The following TFR2 variants were observed in gnomAD, a reference collection of about 807,000 sequenced individuals.
TFR2 encodes the protein transferrin receptor 2.
A neutral mutation model predicts 91.9 loss-of-function variants in TFR2; 64 were observed. That is an observed-to-expected ratio of 0.70 (90% CI 0.57 to 0.86). The LOEUF is 0.86. TFR2 is among the 40% of genes least tolerant of loss of function. TFR2 has a pLI of 0.00. For synonymous variants in TFR2, 454 were observed against 459.6 expected (o/e 0.99, Z 0.15); for missense variants, 950 against 1,080.5 (o/e 0.88, Z 1.69).
At chr7:100,633,375 G>C (rs932558033) in intron 4 of TFR2, 35 bp from the exon 5 acceptor site, 4 of 1,608,856 alleles carry the variant, frequency 2.5e-6, no homozygotes, top group African/African-American at 1.3e-5. Context: ...CCCGAGCCGC[G>C]TCCCCCTCCC....
intron 8 of TFR2, 54 bp from the exon 9 acceptor site, chr7:100,631,106 CA>C: frequency 6.9e-7 from 1 of 1,452,616 alleles, no homozygotes. Flanking sequence ...CAGAAGAGTC[CA>C]AATCACTCTT....
chr7:100,625,970 G>A (rs551299931), intron 17 of TFR2, among the ~76,000 whole-genome samples: 9 of 152,292 alleles, frequency 5.9e-5, no homozygotes, highest in African/African-American at 2.2e-4. Flanking sequence ...CCTCCAAGGG[G>A]TAGCCATGCT....
intron 17 of TFR2, among the ~76,000 whole-genome samples, chr7:100,623,221 C>T (rs541591003): frequency 4.6e-5 from 7 of 152,312 alleles, no homozygotes; most frequent in Admixed American, 2.0e-4. Flanking sequence ...TGCAGCGAGC[C>T]GAGATCGTGC....
intron 17 of TFR2, among the ~76,000 whole-genome samples, chr7:100,623,163 C>T (rs1314913655): frequency 6.6e-6 from 1 of 151,660 alleles, no homozygotes; most frequent in African/African-American, 2.4e-5. Flanking sequence ...GTCCCAGCTA[C>T]TCAGAAGGCT....
At chr7:100,624,580 C>T (rs982417806) in intron 17 of TFR2, among the ~76,000 whole-genome samples, 4 of 152,074 alleles carry the variant, frequency 2.6e-5, no homozygotes, top group East Asian at 3.8e-4. Flanking sequence ...ACTTTATTTA[C>T]AAAAACAGGG....
At chr7:100,625,831 G>A (rs1803237677) in intron 17 of TFR2, among the ~76,000 whole-genome samples, 1 of 152,182 alleles carries the variant, frequency 6.6e-6, no homozygotes, top group Non-Finnish European at 1.5e-5. Context: ...GTTGCAGTGA[G>A]CAGAGATGGT....
At chr7:100,626,400 G>A (rs2131310256) in intron 17 of TFR2, 2 of 941,524 alleles carry the variant, frequency 2.1e-6, no homozygotes, top group South Asian at 4.9e-5. Context: ...CTCGTATTGT[G>A]GACCAGTGTG....
Position 100,628,248 on chromosome 7 carries a change from G to A in TFR2, c.1449C>T (p.Ser483=), listed in dbSNP as rs41295899. The stretch of plus-strand genomic sequence containing the variant: ...CCTCTAGCCACTCCGTGGAGCCCAC[G>A]CTTCCAAAGTCACCACCGTCCCAGC... ...FISWDGGDFG[S]VGSTEWLEGY... The change falls in exon 11 of 18, where the codon AGC becomes AGT. Residue 483 remains serine, a synonymous_variant. Coordinates refer to ENST00000223051, the MANE Select transcript of TFR2 (RefSeq NM_003227.4). 1.1e-3 allele frequency: 1,764 copies of A among 1,602,130 alleles called. 14 individuals are homozygous for A. The African/African-American group carries it at 0.021, about 19-fold the overall frequency.
At chr7:100,621,496 C>T (rs959872518) in intron 17 of TFR2, among the ~76,000 whole-genome samples, 22 of 152,158 alleles carry the variant, frequency 1.4e-4, no homozygotes, top group African/African-American at 3.4e-4. Flanking sequence ...TGAAGTGATC[C>T]GCCCGCCTTG....
intron 3 of TFR2, among the ~76,000 whole-genome samples, chr7:100,638,169 A>T (rs1385817886): frequency 2.0e-5 from 3 of 151,850 alleles, no homozygotes; most frequent in African/African-American, 7.3e-5. Context: ...ACGCCCAGCT[A>T]ATTTTTTGTG....
chr7:100,640,551 G>C, intron 3 of TFR2, 135 bp downstream of exon 3: 11 of 975,814 alleles, frequency 1.1e-5, no homozygotes, highest in Non-Finnish European at 1.7e-5. Flanking sequence ...TGAACAGGGG[G>C]GCCAGGAAGG....
In TFR2 at chr7:100,631,071, GA is replaced by G; in HGVS notation, c.1107-20del. On this transcript the variant is annotated intron_variant, in intron 8 of 17. Transcript: ENST00000223051. Reference sequence around the variant, plus strand: ...GAGCTTCCTGGAGAGGAGGAAGGCAGAAAGGGGGAAGTTGTAGAGAGACCCA... The same window carrying G: ...GAGCTTCCTGGAGAGGAGGAAGGCAGAAGGGGGAAGTTGTAGAGAGACCCA... 1 of 1,539,830 alleles carries G rather than the reference GA, an allele frequency of 6.5e-7. No homozygotes were observed.
chr7:100,625,745 C>T (rs1428107262), intron 17 of TFR2, among the ~76,000 whole-genome samples: 1 of 151,852 alleles, frequency 6.6e-6, no homozygotes, highest in African/African-American at 2.4e-5. Context: ...TTTAGCCGGG[C>T]GTCATGGCAC....
In TFR2 at chr7:100,639,579, G is replaced by GAA. The variant is rs371949132; in HGVS notation, c.473+1105_473+1106dup. On this transcript the variant is annotated intron_variant, in intron 3 of 17. Transcript: ENST00000223051. ...TGTCCTCTCAAATGCAATGAGAAAT[G>GAA]AAAAAAAAAAAAACGTAGAAGGTAT... 1.8e-3 allele frequency among the ~76,000 whole-genome samples: 244 copies of GAA among 133,474 alleles called. 1 individual carries two copies. The highest frequency in any genetic ancestry group is 4.9e-3 in the African/African-American group (176 of 35,940). The allele number at this position is 133,474 out of a possible 152,430, so 87.6% of individuals were successfully genotyped here. A position where few individuals can be genotyped will look rare whatever the true frequency, so the allele number is the denominator to read the frequency against.
chr7:100,632,060 C>T (rs373426971), intron 7 of TFR2, 22 bp downstream of exon 7: 21 of 1,613,922 alleles, frequency 1.3e-5, no homozygotes, highest in African/African-American at 8.0e-5. Context: ...GGGAACAGCA[C>T]GACCAGCCTC....
At chr7:100,634,177 A>AACACAC (rs3076877) in intron 3 of TFR2, among the ~76,000 whole-genome samples, 13,931 of 132,508 alleles carry the variant, frequency 0.11, 850 homozygotes, top group Middle Eastern at 0.17. Context: ...TCCCGACGTC[A>AACACAC]ACACACACAC....
chr7:100,626,674 G>T, intron 17 of TFR2, 89 bp downstream of exon 17: 1 of 1,515,722 alleles, frequency 6.6e-7, no homozygotes, highest in Non-Finnish European at 8.8e-7. Flanking sequence ...GGGAGAGAGA[G>T]GAGCGCGCAG....
In TFR2 at chr7:100,641,495, C is replaced by A. The variant is rs368557499; in HGVS notation, c.15G>T (p.Trp5Cys). 6 of 1,613,758 alleles carry A rather than the reference C, an allele frequency of 3.7e-6. No individual in the cohort carries two copies. The highest frequency in any genetic ancestry group is 5.1e-6 in the Non-Finnish European group (6 of 1,179,924). Residue 5 changes from tryptophan to cysteine, a missense_variant, in exon 1 of 18, where the codon TGG (tryptophan) becomes TGT (cysteine). By Grantham distance (215) the Trp-to-Cys change is radical. Coordinates refer to ENST00000223051, the MANE Select transcript of TFR2 (RefSeq NM_003227.4). MERL[W>C]GLFQRAQQLS... Reference sequence around the variant, plus strand: ...GTCTTACCGCTCTCTGGAATAGACCCCAAAGCCGCTCCATGCTTGTGTCCC... The same window carrying A: ...GTCTTACCGCTCTCTGGAATAGACCACAAAGCCGCTCCATGCTTGTGTCCC...
intron 17 of TFR2, among the ~76,000 whole-genome samples, chr7:100,625,287 G>T (rs1183148398): frequency 2.0e-5 from 3 of 152,042 alleles, no homozygotes; most frequent in Non-Finnish European, 4.4e-5. Context: ...TCGAACTCCT[G>T]ACCCCAGGTG....
Sources: allele counts gnomAD v4.1 joint callset (sites outside exome capture counted in the v4.1 genomes callset), GRCh38; gene constraint gnomAD v4.1.1; transcripts MANE v1.5; gene names NCBI Gene and HGNC (gene_info 2026-07-23, HGNC 2026-07-21).